FAM184A: variants seen among roughly 807,000 people sequenced by gnomAD.
The protein encoded by FAM184A is protein FAM184A.
FAM184A carries 99 observed loss-of-function variants against 143.8 expected under a neutral mutation model. That is an observed-to-expected ratio of 0.69 (90% confidence interval 0.58 to 0.81). The LOEUF is 0.81. Ranked by LOEUF, FAM184A falls within the 40% of genes least tolerant of loss-of-function variation. The probability of loss-of-function intolerance (pLI) is 0.00; values close to 1 mark genes in which losing one functional copy is unlikely to be tolerated. For missense variants in FAM184A, 1,217 were observed against 1,310.5 expected, an observed-to-expected ratio of 0.93 and a Z score of 1.10; for synonymous variants, 427 against 446.4, an observed-to-expected ratio of 0.96 and a Z score of 0.55.
chr6:119,038,176 A>G (rs2114721814), intron 1 of FAM184A, among the ~76,000 whole-genome samples: 1 of 152,318 alleles, frequency 6.6e-6, no homozygotes, highest in Non-Finnish European at 1.5e-5. Context: ...AGCAGACAGG[A>G]CAGTAATCTC....
In FAM184A at chr6:118,992,120, T is replaced by A. The variant is rs140008583; in HGVS notation, c.2088+10779A>T. 7.5e-3 allele frequency among the ~76,000 whole-genome samples: 1,136 copies of A among 152,126 alleles called. 44 individuals are homozygous for A. Among genetic ancestry groups the A allele is most frequent in the Admixed American group, 0.067 (1,021 of 15,284 alleles). ...AGGATCTGATTTACATCATGAAAGA[T>A]CACTTTGAGTGCTGTAAGAAAAGTG... On this transcript the variant is annotated intron_variant, in intron 9 of 17. Transcript: ENST00000338891.
At chr6:119,106,960 T>C (rs1454428020) in intron 1 of FAM184A, among the ~76,000 whole-genome samples, 1 of 152,204 alleles carries the variant, frequency 6.6e-6, no homozygotes, top group Non-Finnish European at 1.5e-5. Flanking sequence ...CCATAAACAT[T>C]TGTTGCACTA....
chr6:119,023,036 G>A lies in FAM184A; in HGVS notation c.1059C>T (p.Ala353=). ...QLDDAKEGEM[A]LLSKHKEVES... ...CCACTTCTTTGTGCTTGCTTAATAG[G>A]GCCATTTCTCCCTCCTTGGCATCAT... The change falls in exon 3 of 18, where the codon GCC becomes GCT. Residue 353 remains alanine (A), a synonymous_variant. Coordinates refer to ENST00000338891, the MANE Select transcript of FAM184A (RefSeq NM_024581.6). 1.2e-6 allele frequency: 2 copies of A among 1,613,936 alleles called. No individual in the cohort carries two copies. Among genetic ancestry groups the A allele is most frequent in the African/African-American group, 2.7e-5 (2 of 74,954 alleles).
intron 9 of FAM184A, among the ~76,000 whole-genome samples, chr6:118,991,414 C>T (rs1297158483): frequency 1.3e-5 from 2 of 152,088 alleles, no homozygotes; most frequent in African/African-American, 4.8e-5. Context: ...CCACCTACCT[C>T]GGCCTCCTAA....
intron 11 of FAM184A, among the ~76,000 whole-genome samples, chr6:118,978,833 A>C (rs1783925620): frequency 6.6e-6 from 1 of 152,204 alleles, no homozygotes; most frequent in South Asian, 2.1e-4. Context: ...AAAAAACAAA[A>C]CCCAAAACAA....
At chr6:118,977,425 C>CA (rs1479772579) in intron 11 of FAM184A, among the ~76,000 whole-genome samples, 1 of 152,032 alleles carries the variant, frequency 6.6e-6, no homozygotes, top group Non-Finnish European at 1.5e-5. Flanking sequence ...ACAAAAATTA[C>CA]AAAAATTAGC....
intron 4 of FAM184A, among the ~76,000 whole-genome samples, chr6:119,018,132 G>A (rs751746670): frequency 5.3e-5 from 8 of 152,234 alleles, no homozygotes; most frequent in African/African-American, 4.8e-5. Context: ...TGTATATCCC[G>A]TGTTATGGGA....
Position 119,109,603 on chromosome 6 carries a change from C to A in FAM184A, c.-202+39475G>T, listed in dbSNP as rs114457540. Among the ~76,000 whole-genome samples, 806 of 152,332 alleles carry A rather than the reference C, an allele frequency of 5.3e-3. 4 individuals are homozygous for A. The highest frequency in any genetic ancestry group is 0.018 in the African/African-American group (752 of 41,570). On this transcript the variant is annotated intron_variant, in intron 1 of 16. Coordinates refer to the FAM184A transcript ENST00000352896. ...AAGATATGGATGAGGACAGGATTAT[C>A]TTGACCTTGTGGCATTTCACAAATG... is the stretch of plus-strand genomic sequence containing the variant.
At chr6:119,075,256 A>C (rs1787831002) in intron 1 of FAM184A, among the ~76,000 whole-genome samples, 1 of 152,224 alleles carries the variant, frequency 6.6e-6, no homozygotes, top group South Asian at 2.1e-4. Context: ...AAACCCTCAA[A>C]ATAAGTACAC....
At chr6:118,975,270 G>T in intron 12 of FAM184A, 62 bp from the exon 13 acceptor site, 1 of 1,209,828 alleles carries the variant, frequency 8.3e-7, no homozygotes, top group Non-Finnish European at 1.1e-6. Flanking sequence ...GTGTTTATCT[G>T]CGGGAAAGAA....
intron 15 of FAM184A, among the ~76,000 whole-genome samples, chr6:118,965,237 A>G (rs2114537706): frequency 7.8e-6 from 1 of 128,782 alleles, no homozygotes; most frequent in African/African-American, 3.0e-5. Context: ...GTGTAGAGGT[A>G]GGGTCTCACT....
chr6:119,006,430 T>G lies in FAM184A; in HGVS notation c.1815+17A>C. 6.2e-7 allele frequency: 1 copy of G among 1,606,128 alleles called. No homozygotes were observed. Among genetic ancestry groups the G allele is most frequent in the Non-Finnish European group, 8.5e-7 (1 of 1,176,822 alleles). Reference sequence around the variant, plus strand: ...TATTTTGCCGCTGTTTAGATTGCAGTAGAATTATGAAATTACCTCCACATT... The same window carrying G: ...TATTTTGCCGCTGTTTAGATTGCAGGAGAATTATGAAATTACCTCCACATT... On this transcript the variant is annotated intron_variant, in intron 7 of 17. Transcript: ENST00000338891.
chr6:119,011,205 G>C, intron 6 of FAM184A, 104 bp downstream of exon 6: 3 of 911,172 alleles, frequency 3.3e-6, no homozygotes, highest in Non-Finnish European at 4.9e-6. Context: ...TTTTATTCTA[G>C]ATATGTTACC....
chr6:119,144,675 T>C (rs1265721425), intron 1 of FAM184A, among the ~76,000 whole-genome samples: 1 of 152,248 alleles, frequency 6.6e-6, no homozygotes, highest in African/African-American at 2.4e-5. Context: ...GTGGTGAAGA[T>C]AAAAGTCATG....
chr6:119,102,784 C>CAAAAAAAAAAAAAAAAAAAAAA (rs58686018), intron 1 of FAM184A, among the ~76,000 whole-genome samples: 7 of 30,112 alleles, frequency 2.3e-4, no homozygotes, highest in Non-Finnish European at 3.4e-4. Flanking sequence ...GACTCCATCT[C>CAAAAAAAAAAAAAAAAAAAAAA]AAAAAAAAAA....
chr6:119,146,397 C>T lies in FAM184A; in HGVS notation c.-202+2681G>A, dbSNP rs190659215. Among the ~76,000 whole-genome samples, 1,260 of 136,392 alleles carry T rather than the reference C, an allele frequency of 9.2e-3. 22 individuals carry two copies. The highest frequency in any genetic ancestry group is 0.032 in the African/African-American group (1,161 of 36,208). 89.5% of individuals were successfully genotyped at this position (136,392 alleles called of 152,430 possible). ...TTCAGTGCCTTTCCCGATTAACTTACGTGTGTGTGTGTGTGTGTGTGTGTG... is the reference window on the plus strand; with the variant it reads ...TTCAGTGCCTTTCCCGATTAACTTATGTGTGTGTGTGTGTGTGTGTGTGTG... On this transcript the variant is annotated intron_variant, in intron 1 of 16. Coordinates refer to the FAM184A transcript ENST00000352896.
intron 1 of FAM184A, among the ~76,000 whole-genome samples, chr6:119,095,739 T>A (rs991264365): frequency 4.6e-5 from 7 of 152,160 alleles, no homozygotes; most frequent in African/African-American, 1.7e-4. Flanking sequence ...TTTTTATTTT[T>A]ATAGAGACAG....
At chr6:118,979,054 C>T (rs550052175) in intron 11 of FAM184A, among the ~76,000 whole-genome samples, 1 of 152,246 alleles carries the variant, frequency 6.6e-6, no homozygotes, top group South Asian at 2.1e-4. Flanking sequence ...GCTCCATGTC[C>T]TTTCTACTGA....
chr6:119,133,089 A>G (rs532850909), intron 1 of FAM184A, among the ~76,000 whole-genome samples: 4 of 152,286 alleles, frequency 2.6e-5, no homozygotes, highest in South Asian at 4.1e-4. Flanking sequence ...AATTGTGGAT[A>G]TTTTGTGGGA....
Sources: allele counts gnomAD v4.1 joint callset (sites outside exome capture counted in the v4.1 genomes callset), GRCh38; gene constraint gnomAD v4.1.1; transcripts MANE v1.5; gene names NCBI Gene and HGNC (gene_info 2026-07-23, HGNC 2026-07-21).